CYSTM1: variants seen among roughly 807,000 people sequenced by gnomAD.
The protein encoded by CYSTM1 is cysteine rich transmembrane module containing 1, also known as cysteine-rich transmembrane module-containing protein 1.
A neutral mutation model predicts 13.1 loss-of-function variants in CYSTM1; 4 were observed. The ratio of observed to expected loss-of-function variants is 0.31; its 90% confidence interval spans 0.15 to 0.70. CYSTM1 has a LOEUF of 0.70. CYSTM1 is among the 30% of genes least tolerant of loss of function. The pLI, the probability that CYSTM1 is intolerant of heterozygous loss-of-function variation, is 0.72. For synonymous variants in CYSTM1, 36 were observed against 42.7 expected (o/e 0.84, Z 0.62); for missense variants, 96 against 121.6 (o/e 0.79, Z 0.99).
chr5:140,210,188 A>G (rs1444915760), intron 2 of CYSTM1, among the ~76,000 whole-genome samples: 2 of 152,196 alleles, frequency 1.3e-5, no homozygotes, highest in Non-Finnish European at 2.9e-5. Flanking sequence ...ATACCTGGCT[A>G]CCACTATAAT....
At chr5:140,240,174 C>CT (rs1264004375) in intron 2 of CYSTM1, among the ~76,000 whole-genome samples, 1 of 151,946 alleles carries the variant, frequency 6.6e-6, no homozygotes, top group Non-Finnish European at 1.5e-5. Context: ...ATCCCAGCAC[C>CT]CCCCCACTGC....
intron 1 of CYSTM1, among the ~76,000 whole-genome samples, chr5:140,179,084 C>A (rs34994530): frequency 6.0e-5 from 9 of 150,820 alleles, no homozygotes; most frequent in Non-Finnish European, 1.3e-4. Context: ...CACAGGGAGA[C>A]CCCATAGCTA....
At chr5:140,186,141 T>G (rs1764013213) in intron 1 of CYSTM1, among the ~76,000 whole-genome samples, 1 of 152,230 alleles carries the variant, frequency 6.6e-6, no homozygotes, top group African/African-American at 2.4e-5. Flanking sequence ...TATATAGTTC[T>G]TTACCTCTTA....
At chr5:140,237,478 C>A (rs1045712193) in intron 2 of CYSTM1, among the ~76,000 whole-genome samples, 1 of 152,238 alleles carries the variant, frequency 6.6e-6, no homozygotes, top group South Asian at 2.1e-4. Context: ...CAGTCAACTT[C>A]TTTCCCTTCT....
At chr5:140,191,937 G>A (rs547821730) in intron 1 of CYSTM1, among the ~76,000 whole-genome samples, 57 of 152,304 alleles carry the variant, frequency 3.7e-4, no homozygotes, top group Admixed American at 1.5e-3. Flanking sequence ...TATGATAATT[G>A]TAGTGTTAAT....
chr5:140,203,735 G>A (rs986087637), intron 2 of CYSTM1, among the ~76,000 whole-genome samples: 5 of 152,094 alleles, frequency 3.3e-5, no homozygotes, highest in African/African-American at 1.2e-4. Context: ...TGGAAGAAGG[G>A]GGTTTTTTAT....
chr5:140,236,076 G>A (rs547734208), intron 2 of CYSTM1, among the ~76,000 whole-genome samples: 1 of 152,302 alleles, frequency 6.6e-6, no homozygotes, highest in South Asian at 2.1e-4. Context: ...ACAGAAAAGA[G>A]GACATTGCCC....
intron 2 of CYSTM1, among the ~76,000 whole-genome samples, chr5:140,240,584 G>A (rs1253548236): frequency 2.0e-5 from 3 of 151,960 alleles, no homozygotes; most frequent in Admixed American, 6.6e-5. Context: ...GGGGAGTGAC[G>A]GGGATGGTAG....
intron 2 of CYSTM1, among the ~76,000 whole-genome samples, chr5:140,217,857 T>C (rs1218465994): frequency 6.6e-6 from 1 of 152,200 alleles, no homozygotes; most frequent in Non-Finnish European, 1.5e-5. Context: ...CCAGGCCTAC[T>C]GAGTGCCCTG....
chr5:140,177,078 A>ACAAAAAAAAAAAC lies in CYSTM1; in HGVS notation c.-21+1793_-21+1794insCAAAAAAAAAAAC, dbSNP rs771598158. ...AGCGAGACTCTGTCTCAAAAAAAAA[A>ACAAAAAAAAAAAC]AAAAAAAAATCTCTAGTCCTTTCCT... is the stretch of plus-strand genomic sequence containing the variant. On this transcript the variant is annotated intron_variant, in intron 1 of 2. Transcript: ENST00000261811. Among the ~76,000 whole-genome samples the ACAAAAAAAAAAAC allele has an allele frequency of 4.4e-5, 6 of 135,544 alleles. 1 individual carries two copies. Among genetic ancestry groups the ACAAAAAAAAAAAC allele is most frequent in the South Asian group, 4.8e-4 (2 of 4,152 alleles). 88.9% of individuals were successfully genotyped at this position (135,544 alleles called of 152,430 possible). A position where few individuals can be genotyped will look rare whatever the true frequency, so the allele number is the denominator to read the frequency against.
Position 140,175,414 on chromosome 5 carries a change from G to C in CYSTM1, c.-21+129G>C, listed in dbSNP as rs1763868036. ...GGGGCACCCGGGCTGGCCTGGCTCA[G>C]GCAGGGGTTCGCGCAGCCCCTGGGG... On this transcript the variant is annotated intron_variant, in intron 1 of 2. Coordinates refer to ENST00000261811, the MANE Select transcript of CYSTM1 (RefSeq NM_032412.4). The surrounding 1 kb of genome is among the most constrained non-coding windows in gnomAD (Gnocchi z 4.9). The C allele has an allele frequency of 6.6e-6, 1 of 152,376 alleles. No homozygotes were observed. The highest frequency in any genetic ancestry group is 2.4e-5 in the African/African-American group (1 of 41,452). 9.4% of individuals were successfully genotyped at this position (152,376 alleles called of 1,614,324 possible).
chr5:140,217,094 C>A (rs1554133119), intron 2 of CYSTM1, among the ~76,000 whole-genome samples: 1 of 151,742 alleles, frequency 6.6e-6, no homozygotes, highest in Non-Finnish European at 1.5e-5. Flanking sequence ...TTTTTTCTTT[C>A]TTTTTTAAGT....
chr5:140,212,543 G>A (rs1414560904), intron 2 of CYSTM1, among the ~76,000 whole-genome samples: 1 of 152,118 alleles, frequency 6.6e-6, no homozygotes, highest in African/African-American at 2.4e-5. Context: ...CTGGGCTCAG[G>A]TGATCCTCCC....
chr5:140,229,717 G>C (rs1764598775), intron 2 of CYSTM1, among the ~76,000 whole-genome samples: 1 of 151,294 alleles, frequency 6.6e-6, no homozygotes, highest in Admixed American at 6.6e-5. Context: ...ATTTTTTTGA[G>C]ACCTAGTTTT....
At chr5:140,232,355 CTG>C (rs1228212209) in intron 2 of CYSTM1, among the ~76,000 whole-genome samples, 3 of 152,072 alleles carry the variant, frequency 2.0e-5, no homozygotes, top group Non-Finnish European at 4.4e-5. Context: ...ATCATTGAAA[CTG>C]TGGCCGTGAG....
Position 140,239,240 on chromosome 5 carries a change from A to G in CYSTM1, c.188-4065A>G, listed in dbSNP as rs1186841547. The stretch of plus-strand genomic sequence containing the variant: ...ATGCCAGAATGGGGCTGAGAATTGG[A>G]GCCTTCACCTGAGAAGGCCTATACT... On this transcript the variant is annotated intron_variant, in intron 2 of 2. Coordinates refer to ENST00000261811, the MANE Select transcript of CYSTM1 (RefSeq NM_032412.4). This position sits in a 1 kb window ranked among gnomAD's most constrained non-coding sequence, Gnocchi z 5.4. Among the ~76,000 whole-genome samples the G allele has an allele frequency of 2.0e-5, 3 of 152,074 alleles. No individual in the cohort carries two copies. The highest frequency in any genetic ancestry group is 2.9e-5 in the Non-Finnish European group (2 of 67,982).
Position 140,231,792 on chromosome 5 carries a change from C to T in CYSTM1, c.188-11513C>T, listed in dbSNP as rs115187360. The stretch of plus-strand genomic sequence containing the variant: ...GGAAAAGGAAATTGGTGTCATAGGC[C>T]GCAAGGGGACATTAGGAGCAGTTGA... On this transcript the variant is annotated intron_variant, in intron 2 of 2. Transcript: ENST00000261811. Among the ~76,000 whole-genome samples, 498 of 152,232 alleles carry T rather than the reference C, an allele frequency of 3.3e-3. 4 individuals carry two copies. Among genetic ancestry groups the T allele is most frequent in the African/African-American group, 0.012 (479 of 41,534 alleles).
At chr5:140,197,149 A>C (rs936434783) in intron 2 of CYSTM1, among the ~76,000 whole-genome samples, 3 of 152,114 alleles carry the variant, frequency 2.0e-5, no homozygotes, top group Non-Finnish European at 4.4e-5. Flanking sequence ...CTCTCTAACT[A>C]GCATTTGATG....
At chr5:140,188,685 A>G (rs142307895) in intron 1 of CYSTM1, among the ~76,000 whole-genome samples, 396 of 150,856 alleles carry the variant, frequency 2.6e-3, no homozygotes, top group African/African-American at 9.0e-3. Flanking sequence ...AGGCTGAATC[A>G]GGAGACTGGC....
Sources: allele counts gnomAD v4.1 joint callset (sites outside exome capture counted in the v4.1 genomes callset), GRCh38; gene constraint gnomAD v4.1.1; non-coding constraint Gnocchi (gnomAD v3.1); transcripts MANE v1.5; gene names NCBI Gene and HGNC (gene_info 2026-07-23, HGNC 2026-07-21).